The following SUMF1 variants were observed in gnomAD, a reference collection of about 807,000 sequenced individuals.
SUMF1 encodes the protein sulfatase modifying factor 1, also known as formylglycine-generating enzyme.
In SUMF1, 48 loss-of-function variants were observed where a neutral mutation model predicts 47.6. The ratio of observed to expected loss-of-function variants is 1.01; its 90% CI spans 0.80 to 1.28. SUMF1 has a LOEUF of 1.28. Among genes scored for constraint, SUMF1 ranks in the 50% most tolerant of loss-of-function variants. The pLI is 0.00. For synonymous variants in SUMF1, 230 were observed against 192.1 expected (o/e 1.20, Z -1.63); for missense variants, 571 against 485.4 (o/e 1.18, Z -1.66).
At chr3:4,244,688 AT>A (rs1209269855) in intron 8 of SUMF1, among the ~76,000 whole-genome samples, 6 of 151,756 alleles carry the variant, frequency 4.0e-5, no homozygotes, top group Admixed American at 6.6e-5. Context: ...TGCCCTTAAC[AT>A]TTTTTCCTTC....
chr3:4,258,623 G>A (rs1284376614), intron 8 of SUMF1, among the ~76,000 whole-genome samples: 2 of 152,188 alleles, frequency 1.3e-5, no homozygotes, highest in East Asian at 3.9e-4. Flanking sequence ...ACAGGTGCTT[G>A]AGAGGATGTG....
chr3:4,194,867 G>T (rs746462004), intron 8 of SUMF1, among the ~76,000 whole-genome samples: 20 of 152,118 alleles, frequency 1.3e-4, no homozygotes, highest in Non-Finnish European at 2.5e-4. Flanking sequence ...TTGAAGATAA[G>T]CTAGCGGTAA....
chr3:4,455,646 G>A (rs900282080), intron 1 of SUMF1, among the ~76,000 whole-genome samples: 1 of 152,186 alleles, frequency 6.6e-6, no homozygotes, highest in Non-Finnish European at 1.5e-5. Context: ...GAACCCAGGA[G>A]GTGGAGGTTG....
intron 8 of SUMF1, among the ~76,000 whole-genome samples, chr3:4,151,407 A>ATATG (rs1553604107): frequency 2.1e-5 from 3 of 144,900 alleles, no homozygotes; most frequent in African/African-American, 7.8e-5. Context: ...ATGTATATGT[A>ATATG]TATATGTATA....
intron 8 of SUMF1, among the ~76,000 whole-genome samples, chr3:4,283,950 G>T (rs917396294): frequency 6.6e-6 from 1 of 152,114 alleles, no homozygotes; most frequent in Admixed American, 6.5e-5. Flanking sequence ...TCCCATTCAC[G>T]AGAGATCTGC....
At chr3:4,368,410 A>C (rs991558187) in intron 8 of SUMF1, among the ~76,000 whole-genome samples, 1 of 152,246 alleles carries the variant, frequency 6.6e-6, no homozygotes, top group African/African-American at 2.4e-5. Flanking sequence ...TAGTTCAACC[A>C]TTGTGGAAGT....
chr3:4,051,947 C>G lies in SUMF1; in HGVS notation c.1191+16622G>C, dbSNP rs923348640. Among the ~76,000 whole-genome samples the G allele has an allele frequency of 1.2e-4, 18 of 152,232 alleles. 1 individual carries two copies. The Middle Eastern group carries it at 0.01, about 86-fold the overall frequency. ...AAACCAAGAAAGTATCAACTAACAA[C>G]CATAGGGCACTTTGATTCTCAAAAT... On this transcript the variant is annotated intron_variant and NMD_transcript_variant, in intron 9 of 12. Coordinates refer to the SUMF1 transcript ENST00000448413.
chr3:4,165,398 T>A (rs976005471), intron 8 of SUMF1, among the ~76,000 whole-genome samples: 7 of 151,976 alleles, frequency 4.6e-5, no homozygotes, highest in Admixed American at 3.9e-4. Context: ...ATTTTTGTGG[T>A]CCCTTGGAGA....
intron 8 of SUMF1, among the ~76,000 whole-genome samples, chr3:4,189,215 G>C (rs1014545252): frequency 2.4e-4 from 37 of 152,080 alleles, no homozygotes; most frequent in African/African-American, 8.9e-4. Context: ...GAACAGGAAA[G>C]CCTATTTGCG....
chr3:4,434,037 C>T (rs905151401), intron 3 of SUMF1, among the ~76,000 whole-genome samples: 10 of 152,134 alleles, frequency 6.6e-5, no homozygotes, highest in African/African-American at 2.4e-4. Context: ...GTAAGTCAGG[C>T]ACAAAAGGAC....
rs149428638 is a variant in SUMF1, at chr3:4,223,492, T to C, written c.1014+152838A>G. ...CTGCTCACTTTGCCACCTTGGTTTT[T>C]CATCACTTTCCTTGAGGATACTGTT... On this transcript the variant is annotated intron_variant and NMD_transcript_variant, in intron 8 of 12. Transcript: ENST00000448413. Among the ~76,000 whole-genome samples the C allele has an allele frequency of 3.0e-3, 461 of 152,260 alleles. 4 individuals are homozygous for C. Among genetic ancestry groups the C allele is most frequent in the African/African-American group, 0.01 (430 of 41,560 alleles).
downstream of SUMF1, among the ~76,000 whole-genome samples, chr3:4,356,915 T>C (rs1421866231): frequency 6.6e-6 from 1 of 152,234 alleles, no homozygotes; most frequent in African/African-American, 2.4e-5. Context: ...ACGTCTTGCC[T>C]GGCTCTGCAC....
At chr3:4,314,669 C>A (rs1698564362) in intron 8 of SUMF1, among the ~76,000 whole-genome samples, 1 of 152,102 alleles carries the variant, frequency 6.6e-6, no homozygotes, top group African/African-American at 2.4e-5. Flanking sequence ...AGAAAAATAA[C>A]CCTGTCCACA....
rs576884404 is a variant in SUMF1 at position 4,185,947 on chromosome 3, G to A, written c.1015-117202C>T. 5.3e-5 allele frequency among the ~76,000 whole-genome samples: 8 copies of A among 152,276 alleles called. No homozygotes were observed. In the South Asian group the frequency reaches 1.7e-3, roughly 32 times the overall value. ...ATGGCTCTGAGATGGAGCCACACTGGAAGTACCAGAAGCAAATGTCTTGCC... is the reference window on the plus strand; with the variant it reads ...ATGGCTCTGAGATGGAGCCACACTGAAAGTACCAGAAGCAAATGTCTTGCC... On this transcript the variant is annotated intron_variant and NMD_transcript_variant, in intron 8 of 12. Transcript: ENST00000448413.
chr3:4,427,985 C>A (rs948095936), intron 3 of SUMF1, among the ~76,000 whole-genome samples: 1 of 152,160 alleles, frequency 6.6e-6, no homozygotes, highest in Non-Finnish European at 1.5e-5. Context: ...AGAAATATTT[C>A]TTATTATTTA....
rs371099287 is a variant in SUMF1 at position 4,246,095 on chromosome 3, C to T, written c.1014+130235G>A. ...TACGGGAGGGAATCTCCTGGTCTTC[C>T]GGTTGTGAAGAACATGAGAAAAGTG... On this transcript the variant is annotated intron_variant and NMD_transcript_variant, in intron 8 of 12. Coordinates refer to the SUMF1 transcript ENST00000448413. Among the ~76,000 whole-genome samples the T allele has an allele frequency of 1.1e-3, 172 of 152,288 alleles. 3 individuals are homozygous for T. The South Asian group carries it at 0.033, about 30-fold the overall frequency.
chr3:4,287,406 G>T (rs201745999), intron 8 of SUMF1, among the ~76,000 whole-genome samples: 1 of 100,862 alleles, frequency 9.9e-6, no homozygotes, highest in Non-Finnish European at 2.1e-5. Flanking sequence ...AACATAAATT[G>T]TAAAAAAAAA....
intron 8 of SUMF1, among the ~76,000 whole-genome samples, chr3:4,107,603 A>G (rs1693188271): frequency 6.6e-6 from 1 of 152,074 alleles, no homozygotes; most frequent in Non-Finnish European, 1.5e-5. Flanking sequence ...GAATTGCCTG[A>G]CATTCAATGA....
At chr3:4,348,607 G>C (rs764617827) in intron 8 of SUMF1, among the ~76,000 whole-genome samples, 22 of 151,982 alleles carry the variant, frequency 1.4e-4, no homozygotes, top group Non-Finnish European at 2.6e-4. Context: ...GCTCAAGCCT[G>C]TAATCCCAAC....
Sources: gnomAD v4.1 joint callset for allele counts (sites outside exome capture counted in the v4.1 genomes callset) on GRCh38, gnomAD v4.1.1 for gene constraint, MANE v1.5 for transcripts, NCBI Gene and HGNC (gene_info 2026-07-23, HGNC 2026-07-21) for gene names.